Variants in DAZL observed in about 807,000 individuals in gnomAD.
DAZL encodes the protein deleted in azoospermia like.
A neutral mutation model predicts 45.0 loss-of-function variants in DAZL; 4 were observed. The ratio of observed to expected loss-of-function variants is 0.09; its 90% CI spans 0.04 to 0.20. The LOEUF (loss-of-function observed/expected upper bound fraction) is 0.20. Ranked by LOEUF, DAZL falls within the 10% of genes least tolerant of loss-of-function variation. The pLI, the probability that DAZL is intolerant of heterozygous loss-of-function variation, is 1.00. For missense variants in DAZL, 326 were observed against 351.3 expected, an observed-to-expected ratio of 0.93 and a Z score of 0.58; for synonymous variants, 122 against 112.4, an observed-to-expected ratio of 1.09 and a Z score of -0.54.
At chr3:16,602,041 G>T (rs190599302) in intron 1 of DAZL, among the ~76,000 whole-genome samples, 1 of 151,874 alleles carries the variant, frequency 6.6e-6, no homozygotes, top group South Asian at 2.1e-4. Flanking sequence ...CGAATAAAGA[G>T]AATGCTAAAA....
At chr3:16,596,696 G>C in intron 6 of DAZL, 54 bp downstream of exon 6, 1 of 1,588,118 alleles carries the variant, frequency 6.3e-7, no homozygotes, top group Non-Finnish European at 8.6e-7. Flanking sequence ...TAATTCCACA[G>C]AAGGTACGAT....
rs769368115 is a variant in DAZL, at chr3:16,605,225, T to G, written c.-20A>C. On this transcript the variant is annotated 5_prime_UTR_variant, in exon 1 of 11. Transcript: ENST00000399444. Reference sequence around the variant, plus strand: ...CACCATGATGGCGGCAGGCAGCAGTTCCCGACCGGCTCCAGGAGGAGCAGA... The same window carrying G: ...CACCATGATGGCGGCAGGCAGCAGTGCCCGACCGGCTCCAGGAGGAGCAGA... 7.4e-5 allele frequency: 119 copies of G among 1,614,032 alleles called. 1 individual carries two copies. The South Asian group carries it at 1.3e-3, about 18-fold the overall frequency.
chr3:16,599,436 T>TG (rs1417272400), intron 1 of DAZL, among the ~76,000 whole-genome samples: 1 of 152,230 alleles, frequency 6.6e-6, no homozygotes, highest in African/African-American at 2.4e-5. Context: ...TGTGTTAGTA[T>TG]GCCTGCTTTA....
intron 1 of DAZL, chr3:16,604,497 C>T (rs1331630932): frequency 3.3e-6 from 5 of 1,519,752 alleles, no homozygotes; most frequent in South Asian, 1.2e-5. Flanking sequence ...ACGAGGGAGC[C>T]GCCATCAGCA....
chr3:16,599,547 A>G (rs1694651519), intron 1 of DAZL, among the ~76,000 whole-genome samples: 1 of 152,176 alleles, frequency 6.6e-6, no homozygotes, highest in South Asian at 2.1e-4. Flanking sequence ...TGTTCAAATC[A>G]TTTTTTGAAA....
In DAZL at chr3:16,593,693, G is replaced by C. The variant is rs1694555601; in HGVS notation, c.697C>G (p.His233Asp). The C allele has an allele frequency of 6.2e-7, 1 of 1,612,476 alleles. No individual in the cohort carries two copies. Among genetic ancestry groups the C allele is most frequent in the African/African-American group, 1.3e-5 (1 of 75,018 alleles). Reference sequence around the variant, plus strand: ...TTTCCAGAGGGTGGAGTAGCTTCATGAACTGAACATTCATTTGGCACAACT... The same window carrying C: ...TTTCCAGAGGGTGGAGTAGCTTCATCAACTGAACATTCATTTGGCACAACT... ...AEVVPNECSVHEATPPSGNGP... is the reference protein window; with the variant it reads ...AEVVPNECSVDEATPPSGNGP... The change falls in exon 9 of 11, where the codon CAT (histidine) becomes GAT (aspartate). Residue 233 changes from histidine to aspartate, a missense_variant. His to Asp is a moderately conservative substitution (Grantham distance 81). Coordinates refer to ENST00000399444, the MANE Select transcript of DAZL (RefSeq NM_001351.4).
At position 16,598,081 on chromosome 3, in the gene DAZL, A is replaced by T. The variant is rs773125480; in HGVS notation, c.242+6T>A. 2 of 1,566,366 alleles carry T rather than the reference A, an allele frequency of 1.3e-6. No homozygotes were observed. The highest frequency in any genetic ancestry group is 1.1e-5 in the South Asian group (1 of 90,238). Reference sequence around the variant, plus strand: ...GAGTTCAGATATTTTTGATAAAATTACTCACCCTTTGGACACACCAGTTCG... The same window carrying T: ...GAGTTCAGATATTTTTGATAAAATTTCTCACCCTTTGGACACACCAGTTCG... On this transcript the variant is annotated splice_donor_region_variant and intron_variant, in intron 3 of 10. Transcript: ENST00000399444.
At chr3:16,600,593 C>T (rs1694676083) in intron 1 of DAZL, among the ~76,000 whole-genome samples, 1 of 152,148 alleles carries the variant, frequency 6.6e-6, no homozygotes, top group African/African-American at 2.4e-5. Flanking sequence ...TAGATTTCCC[C>T]CCTACAGACA....
chr3:16,588,806 T>C (rs1187809766), intron 10 of DAZL, 93 bp from the exon 11 acceptor site: 18 of 1,023,378 alleles, frequency 1.8e-5, no homozygotes, highest in Non-Finnish European at 2.8e-5. Flanking sequence ...ACCATTTGTT[T>C]TGGGTTTAAA....
intron 1 of DAZL, chr3:16,604,291 T>C: frequency 1.5e-6 from 1 of 677,176 alleles, no homozygotes; most frequent in Non-Finnish European, 2.4e-6. Context: ...GAAGCAACGC[T>C]AGGCATTTAC....
intron 3 of DAZL, 31 bp from the exon 4 acceptor site, chr3:16,597,572 C>T (rs1694619831): frequency 7.5e-7 from 1 of 1,335,644 alleles, no homozygotes; most frequent in African/African-American, 1.4e-5. Context: ...AGTATAAAAT[C>T]ACCATCATAC....
chr3:16,592,693 G>A (rs1329971346), intron 9 of DAZL, among the ~76,000 whole-genome samples: 1 of 152,100 alleles, frequency 6.6e-6, no homozygotes, highest in South Asian at 2.1e-4. Flanking sequence ...GGTTTAAAAA[G>A]CTGAATTTGT....
intron 3 of DAZL, 118 bp downstream of exon 3, chr3:16,597,967 TAC>T (rs1235746321): frequency 9.0e-7 from 1 of 1,105,164 alleles, no homozygotes; most frequent in Non-Finnish European, 1.3e-6. Flanking sequence ...TTTTATCCTC[TAC>T]ATGAAAGAAA....
chr3:16,599,624 T>A (rs1027857956), intron 1 of DAZL, among the ~76,000 whole-genome samples: 3 of 152,240 alleles, frequency 2.0e-5, no homozygotes, highest in Admixed American at 1.3e-4. Context: ...TAGGCAGATA[T>A]AAATTATACC....
rs956921641 is a variant in DAZL at position 16,597,108 on chromosome 3, C to T, written c.295-57G>A. ...AATTTTCAAGTCTTTACTTCCAAGA[C>T]TTGGATGAACACCTAAAGTCTTCTA... On this transcript the variant is annotated intron_variant, in intron 4 of 10. Transcript: ENST00000399444. 53 of 1,521,920 alleles carry T rather than the reference C, an allele frequency of 3.5e-5. No individual in the cohort carries two copies. The African/African-American group carries it at 7.0e-4, about 20-fold the overall frequency. The allele number at this position is 1,521,920 out of a possible 1,614,324, so 94.3% of individuals were successfully genotyped here.
chr3:16,604,662 A>C, intron 1 of DAZL: 1 of 1,356,848 alleles, frequency 7.4e-7, no homozygotes, highest in Non-Finnish European at 9.4e-7. Flanking sequence ...GGAGGGAACC[A>C]CTTCCTAAGG....
chr3:16,598,741 C>T, intron 1 of DAZL, 143 bp from the exon 2 acceptor site: 2 of 1,047,442 alleles, frequency 1.9e-6, no homozygotes, highest in South Asian at 4.2e-5. Context: ...AGGATTTAAA[C>T]TTATCAGAGT....
chr3:16,590,635 T>C (rs1694503470), intron 10 of DAZL, among the ~76,000 whole-genome samples: 1 of 152,192 alleles, frequency 6.6e-6, no homozygotes, highest in Non-Finnish European at 1.5e-5. Context: ...AATCCCAATG[T>C]CTTTAACAGA....
At chr3:16,595,612 A>G (rs1277210572) in intron 6 of DAZL, among the ~76,000 whole-genome samples, 1 of 152,016 alleles carries the variant, frequency 6.6e-6, no homozygotes, top group Non-Finnish European at 1.5e-5. Flanking sequence ...AGAAGTGACT[A>G]TTTCAACAGG....
Sources: allele counts gnomAD v4.1 joint callset (sites outside exome capture counted in the v4.1 genomes callset), GRCh38; gene constraint gnomAD v4.1.1; transcripts MANE v1.5; gene names NCBI Gene and HGNC (gene_info 2026-07-23, HGNC 2026-07-21).